NRXN3: variants seen among roughly 807,000 people sequenced by gnomAD.
NRXN3 encodes the protein neurexin 3.
Under a neutral mutation model 137.6 loss-of-function variants are expected in NRXN3, and 32 were observed. The ratio of observed to expected loss-of-function variants is 0.23; its 90% CI spans 0.18 to 0.31. The LOEUF (loss-of-function observed/expected upper bound fraction) is 0.31. Ranked by LOEUF, NRXN3 falls within the 10% of genes least tolerant of loss-of-function variation. The probability of loss-of-function intolerance (pLI) is 1.00; values close to 1 mark genes in which losing one functional copy is unlikely to be tolerated. For missense variants in NRXN3, 1,574 were observed against 2,062.5 expected (o/e 0.76, Z 4.59); for synonymous variants, 798 against 784.5 (o/e 1.02, Z -0.29).
At chr14:78,542,469 C>T (rs1416219581) in intron 4 of NRXN3, among the ~76,000 whole-genome samples, 2 of 152,240 alleles carry the variant, frequency 1.3e-5, no homozygotes, top group Admixed American at 6.5e-5. Flanking sequence ...GTGAGCAAGG[C>T]TCTGTGGGTG....
chr14:79,709,776 C>A (rs1307882085), intron 19 of NRXN3, among the ~76,000 whole-genome samples: 1 of 152,026 alleles, frequency 6.6e-6, no homozygotes, highest in African/African-American at 2.4e-5. Context: ...TGATTAATGC[C>A]CTACTGGCTG....
intron 4 of NRXN3, among the ~76,000 whole-genome samples, chr14:78,346,348 TCTC>T (rs2153587162): frequency 7.3e-6 from 1 of 137,924 alleles, no homozygotes; most frequent in East Asian, 2.4e-4. Flanking sequence ...TGGGGCCTGG[TCTC>T]CTCCCTACCT....
chr14:79,025,518 C>T (rs1307981004), intron 15 of NRXN3, among the ~76,000 whole-genome samples: 2 of 152,134 alleles, frequency 1.3e-5, no homozygotes, highest in Non-Finnish European at 2.9e-5. Flanking sequence ...AAAGGGCCTC[C>T]ACCTTTTCTT....
chr14:78,927,282 C>T (rs550207171), intron 10 of NRXN3, among the ~76,000 whole-genome samples: 2 of 151,906 alleles, frequency 1.3e-5, no homozygotes, highest in African/African-American at 4.8e-5. Context: ...ATGCTTTTCC[C>T]CATGGCACTC....
At chr14:79,343,001 A>C (rs774542074) in intron 15 of NRXN3, among the ~76,000 whole-genome samples, 12 of 152,126 alleles carry the variant, frequency 7.9e-5, no homozygotes, top group Non-Finnish European at 1.6e-4. Flanking sequence ...TGGCAATGGA[A>C]TCATAGGGGG....
At chr14:78,355,205 G>A (rs1223389433) in intron 4 of NRXN3, among the ~76,000 whole-genome samples, 1 of 152,110 alleles carries the variant, frequency 6.6e-6, no homozygotes, top group African/African-American at 2.4e-5. Flanking sequence ...CCCTGCCAAA[G>A]TTTCCAAAAC....
intron 4 of NRXN3, among the ~76,000 whole-genome samples, chr14:78,440,994 G>T (rs1013015099): frequency 6.6e-6 from 1 of 152,088 alleles, no homozygotes. Context: ...TTTCTGCTGC[G>T]GCACTCCATC....
intron 4 of NRXN3, among the ~76,000 whole-genome samples, chr14:78,309,545 G>GA (rs967753005): frequency 8.7e-5 from 13 of 149,870 alleles, no homozygotes; most frequent in Middle Eastern, 3.4e-3. Context: ...AATATTTCAA[G>GA]AAAAAAAAAC....
chr14:78,342,912 C>T (rs1460616901), intron 4 of NRXN3, among the ~76,000 whole-genome samples: 1 of 152,126 alleles, frequency 6.6e-6, no homozygotes, highest in South Asian at 2.1e-4. Flanking sequence ...TATCTACTCC[C>T]CCTGCCTCCC....
chr14:79,811,738 C>T (rs112259550), intron 20 of NRXN3, among the ~76,000 whole-genome samples: 6 of 151,838 alleles, frequency 4.0e-5, no homozygotes, highest in African/African-American at 9.7e-5. Flanking sequence ...CCCGCCACCA[C>T]GCCCGGCTAA....
intron 4 of NRXN3, among the ~76,000 whole-genome samples, chr14:78,369,521 T>G (rs1227158390): frequency 1.3e-5 from 2 of 152,194 alleles, no homozygotes; most frequent in African/African-American, 2.4e-5. Flanking sequence ...TTAATGAACT[T>G]ATTCTGTGTG....
chr14:79,535,897 A>G (rs1427102197), intron 16 of NRXN3, among the ~76,000 whole-genome samples: 2 of 152,208 alleles, frequency 1.3e-5, no homozygotes, highest in Non-Finnish European at 2.9e-5. Flanking sequence ...ATATGTGTGT[A>G]TCCAGGATAG....
intron 15 of NRXN3, among the ~76,000 whole-genome samples, chr14:78,994,716 T>C (rs545885722): frequency 2.0e-5 from 3 of 152,326 alleles, no homozygotes; most frequent in Admixed American, 6.5e-5. Flanking sequence ...ATCTGTGAAG[T>C]TGAATTGTTC....
chr14:78,875,773 C>T (rs992701174), intron 10 of NRXN3, among the ~76,000 whole-genome samples: 5 of 152,158 alleles, frequency 3.3e-5, no homozygotes, highest in African/African-American at 7.2e-5. Context: ...CAACTTTTCA[C>T]GCAGTTGTAG....
intron 15 of NRXN3, among the ~76,000 whole-genome samples, chr14:79,441,494 C>T (rs941401946): frequency 2.7e-5 from 4 of 150,196 alleles, no homozygotes; most frequent in South Asian, 2.1e-4. Context: ...ATTCTCCTGC[C>T]TCAGCCTCCC....
chr14:78,754,979 C>T (rs987826594), intron 8 of NRXN3, among the ~76,000 whole-genome samples: 17 of 151,984 alleles, frequency 1.1e-4, no homozygotes, highest in Admixed American at 7.9e-4. Context: ...CTTATGTTGT[C>T]TAGTAAAAGG....
intron 11 of NRXN3, among the ~76,000 whole-genome samples, chr14:78,962,028 C>G (rs2099409131): frequency 6.6e-6 from 1 of 152,204 alleles, no homozygotes; most frequent in Admixed American, 6.5e-5. Context: ...GTACAAACTC[C>G]TTAGAACAGC....
chr14:79,508,405 T>TTTTTTTTTTTTTTTTTTTTTTTG (rs2096899865), intron 16 of NRXN3, among the ~76,000 whole-genome samples: 1 of 142,026 alleles, frequency 7.0e-6, no homozygotes, highest in Non-Finnish European at 1.5e-5. Context: ...TTTTTTTTTT[T>TTTTTTTTTTTTTTTTTTTTTTTG]TAAGACAGAG....
Position 79,027,081 on chromosome 14 carries a change from GT to G in NRXN3, c.3262+38954del, listed in dbSNP as rs368625128. ...AACATTTTCCATATATTCTATTGAAGTTTTTTTTTTTTTTAAAACTTGTTGG... is the reference window on the plus strand; with the variant it reads ...AACATTTTCCATATATTCTATTGAAGTTTTTTTTTTTTTAAAACTTGTTGG... On this transcript the variant is annotated intron_variant, in intron 15 of 20. Transcript: ENST00000335750. 3.0e-3 allele frequency among the ~76,000 whole-genome samples: 406 copies of G among 133,542 alleles called. 2 individuals are homozygous for G. Among genetic ancestry groups the G allele is most frequent in the African/African-American group, 9.1e-3 (328 of 35,868 alleles). The allele number at this position is 133,542 out of a possible 152,430, so 87.6% of individuals were successfully genotyped here.
Sources: allele counts gnomAD v4.1 joint callset (sites outside exome capture counted in the v4.1 genomes callset), GRCh38; gene constraint gnomAD v4.1.1; transcripts MANE v1.5; gene names NCBI Gene and HGNC (gene_info 2026-07-23, HGNC 2026-07-21).